The following FRMPD1 variants were observed in gnomAD, a reference collection of about 807,000 sequenced individuals.
The protein encoded by FRMPD1 is FERM and PDZ domain containing 1.
In FRMPD1, 76 loss-of-function variants were observed where a neutral mutation model predicts 117.8. The observed-to-expected ratio is 0.65, with a 90% confidence interval of 0.54 to 0.78. The LOEUF is 0.78. Among genes scored for constraint, FRMPD1 ranks in the 30% least tolerant of loss-of-function variants. The pLI, the probability that FRMPD1 is intolerant of heterozygous loss-of-function variation, is 0.00. For missense variants in FRMPD1, 1,786 were observed against 1,964.5 expected (o/e 0.91, Z 1.72); for synonymous variants, 783 against 770.4 (o/e 1.02, Z -0.27).
chr9:37,693,536 A>G (rs569772407), intron 2 of FRMPD1, among the ~76,000 whole-genome samples: 2 of 152,300 alleles, frequency 1.3e-5, no homozygotes, highest in South Asian at 4.1e-4. Flanking sequence ...GAGGTCAGAT[A>G]AAATGGGGCT....
In FRMPD1 at chr9:37,708,300, T is replaced by C. The variant is rs566767692; in HGVS notation, c.260-99T>C. ...AGGCGGGGGAGTGAGCCAGTGCCCCTGGGAACTGGATCAGGGTGCCATTTA... is the reference window on the plus strand; with the variant it reads ...AGGCGGGGGAGTGAGCCAGTGCCCCCGGGAACTGGATCAGGGTGCCATTTA... On this transcript the variant is annotated intron_variant, in intron 3 of 15. Transcript: ENST00000377765. 419 of 715,170 alleles carry C rather than the reference T, an allele frequency of 5.9e-4. 7 individuals are homozygous for C. The South Asian group carries it at 6.8e-3, about 12-fold the overall frequency. The allele number at this position is 715,170 out of a possible 1,614,324, so 44.3% of individuals were successfully genotyped here. A position where few individuals can be genotyped will look rare whatever the true frequency, so the allele number is the denominator to read the frequency against.
chr9:37,675,159 A>G (rs1821480855), intron 1 of FRMPD1, among the ~76,000 whole-genome samples: 1 of 152,164 alleles, frequency 6.6e-6, no homozygotes, highest in African/African-American at 2.4e-5. Context: ...ACGGTGACTC[A>G]TGCCTGTAAT....
chr9:37,607,994 T>G, the FRMPD1 span, among the ~76,000 whole-genome samples: 3 of 152,202 alleles, frequency 2.0e-5, no homozygotes, highest in African/African-American at 7.2e-5. Flanking sequence ...CTTTTGTGAA[T>G]CAATTTTAAA....
chr9:37,692,810 G>A, intron 2 of FRMPD1, 68 bp downstream of exon 2: 2 of 1,096,404 alleles, frequency 1.8e-6, no homozygotes, highest in Non-Finnish European at 2.8e-6. Flanking sequence ...AGCTTGTGCT[G>A]GTCCTGGCCG....
At chr9:37,665,626 G>A (rs1821138451) in intron 1 of FRMPD1, among the ~76,000 whole-genome samples, 1 of 152,064 alleles carries the variant, frequency 6.6e-6, no homozygotes, top group Admixed American at 6.6e-5. Context: ...TTCCTTTCTT[G>A]GGCACTGCGT....
the FRMPD1 span, among the ~76,000 whole-genome samples, chr9:37,619,302 A>G: frequency 6.6e-6 from 1 of 152,234 alleles, no homozygotes; most frequent in Non-Finnish European, 1.5e-5. Context: ...TATAACTGGA[A>G]AATACTTGAG....
chr9:37,622,178 A>G, the FRMPD1 span, among the ~76,000 whole-genome samples: 1 of 152,224 alleles, frequency 6.6e-6, no homozygotes, highest in Non-Finnish European at 1.5e-5. Context: ...TCTGGGAGCC[A>G]TATTGGATAT....
intron 7 of FRMPD1, among the ~76,000 whole-genome samples, chr9:37,724,566 G>A (rs1823542116): frequency 6.6e-6 from 1 of 152,054 alleles, no homozygotes; most frequent in African/African-American, 2.4e-5. Context: ...GAGAGATGAA[G>A]TGACTTGCCC....
At chr9:37,651,945 G>A (rs1427816506) in intron 1 of FRMPD1, among the ~76,000 whole-genome samples, 1 of 152,240 alleles carries the variant, frequency 6.6e-6, no homozygotes, top group Non-Finnish European at 1.5e-5. Flanking sequence ...GCAAATGAAC[G>A]TTTAGAAAAT....
rs1459199501 is a variant in FRMPD1 at position 37,746,676 on chromosome 9, C to T, written c.4644C>T (p.Asp1548=). Residue 1548 remains aspartate (D), a synonymous_variant, in exon 16 of 16, where the codon GAC becomes GAT. Coordinates refer to ENST00000377765, the MANE Select transcript of FRMPD1 (RefSeq NM_014907.3). ...CGACCTGCGAGAGAGGCTACCACGA[C>T]CTGAGTGTGAAACTCCTGGCCCGTC... is the stretch of plus-strand genomic sequence containing the variant. The part of the protein sequence containing the change: ...AKSTCERGYH[D]LSVKLLARQC... The T allele has an allele frequency of 6.2e-7, 1 of 1,613,966 alleles. No homozygotes were observed. The highest frequency in any genetic ancestry group is 1.3e-5 in the African/African-American group (1 of 74,940).
rs58458625 is a variant in FRMPD1, at chr9:37,701,510, CGTGTGTGTGT to C, written c.102-5883_102-5874del. 9.4e-3 allele frequency among the ~76,000 whole-genome samples: 1,379 copies of C among 146,696 alleles called. 17 individuals are homozygous for C. Among genetic ancestry groups the C allele is most frequent in the African/African-American group, 0.031 (1,233 of 39,190 alleles). ...GTGTGCGCGCGTGTGTGTGCATGTA[CGTGTGTGTGT>C]GTGTGTGTGTGTGTGTGTGTGTTTT... On this transcript the variant is annotated intron_variant, in intron 2 of 15. Transcript: ENST00000377765.
At chr9:37,649,704 A>T (rs768833085), upstream of FRMPD1, among the ~76,000 whole-genome samples, 1 of 152,158 alleles carries the variant, frequency 6.6e-6, no homozygotes, top group Non-Finnish European at 1.5e-5. Flanking sequence ...CCATCCCCAG[A>T]ATGATCTAAC....
the FRMPD1 span, among the ~76,000 whole-genome samples, chr9:37,622,181 T>C: frequency 1.1e-4 from 16 of 152,328 alleles, no homozygotes; most frequent in South Asian, 2.3e-3. Flanking sequence ...GGGAGCCATA[T>C]TGGATATGCC....
intron 5 of FRMPD1, among the ~76,000 whole-genome samples, chr9:37,718,219 C>G (rs1823234684): frequency 6.6e-6 from 1 of 152,188 alleles, no homozygotes; most frequent in Admixed American, 6.5e-5. Context: ...CCAACAGTTT[C>G]CCTGATTGTT....
At chr9:37,653,709 G>A (rs10973457) in intron 1 of FRMPD1, among the ~76,000 whole-genome samples, 7,295 of 152,240 alleles carry the variant, frequency 0.048, 214 homozygotes, top group Middle Eastern at 0.058. Flanking sequence ...TGGGAGCGGG[G>A]TACTGGCTCC....
At chr9:37,610,072 C>CT in the FRMPD1 span, among the ~76,000 whole-genome samples, 8 of 152,244 alleles carry the variant, frequency 5.3e-5, no homozygotes, top group Non-Finnish European at 1.0e-4. Context: ...CTTCCCAGCA[C>CT]TTGCCACCAT....
chr9:37,686,649 T>C (rs1309860454), intron 1 of FRMPD1, among the ~76,000 whole-genome samples: 3 of 152,234 alleles, frequency 2.0e-5, no homozygotes, highest in Non-Finnish European at 4.4e-5. Context: ...ACAGTCCAGA[T>C]ATATAACACA....
At chr9:37,717,283 A>T in intron 5 of FRMPD1, among the ~76,000 whole-genome samples, 2 of 139,698 alleles carry the variant, frequency 1.4e-5, no homozygotes, top group Admixed American at 7.3e-5. Context: ...CTTATCTTGG[A>T]TTTTGCCGAG....
intron 1 of FRMPD1, among the ~76,000 whole-genome samples, chr9:37,678,625 C>G (rs1821615533): frequency 6.6e-6 from 1 of 152,164 alleles, no homozygotes; most frequent in South Asian, 2.1e-4. Context: ...TAGTGAGAAC[C>G]TGTATTAGAA....
Sources: gnomAD v4.1 joint callset for allele counts (sites outside exome capture counted in the v4.1 genomes callset) on GRCh38, gnomAD v4.1.1 for gene constraint, MANE v1.5 for transcripts, NCBI Gene and HGNC (gene_info 2026-07-23, HGNC 2026-07-21) for gene names.